The following DRC1 variants were observed in gnomAD, a reference collection of about 807,000 sequenced individuals.
The protein encoded by DRC1 is dynein regulatory complex protein 1.
DRC1 carries 74 observed loss-of-function variants against 98.7 expected under a neutral mutation model. The observed-to-expected ratio is 0.75, with a 90% CI of 0.62 to 0.91. The LOEUF is 0.91. DRC1 is among the 40% of genes least tolerant of loss of function. The pLI, the probability that DRC1 is intolerant of heterozygous loss-of-function variation, is 0.00. For synonymous variants in DRC1, 336 were observed against 334.1 expected (o/e 1.01, Z -0.06); for missense variants, 875 against 886.0 (o/e 0.99, Z 0.16).
At chr2:26,410,025 AAG>A (rs1678549976) in intron 1 of DRC1, among the ~76,000 whole-genome samples, 1 of 151,912 alleles carries the variant, frequency 6.6e-6, no homozygotes, top group Non-Finnish European at 1.5e-5. Context: ...TTGGGGGAAA[AAG>A]AGGGAAAAAA....
Position 26,440,372 on chromosome 2 carries a change from C to G in DRC1, c.889-6C>G, listed in dbSNP as rs1663687222. The G allele has an allele frequency of 6.3e-7, 1 of 1,580,116 alleles. No individual in the cohort carries two copies. Among genetic ancestry groups the G allele is most frequent in the Non-Finnish European group, 8.6e-7 (1 of 1,161,870 alleles). On this transcript the variant is annotated splice_region_variant and splice_polypyrimidine_tract_variant and intron_variant, in intron 7 of 16. Coordinates refer to ENST00000288710, the MANE Select transcript of DRC1 (RefSeq NM_145038.5). Reference sequence around the variant, plus strand: ...ATATATATATATATAGTTTTTTTAACTTTAGATTCTTGAGCAGCAGCTTCA... The same window carrying G: ...ATATATATATATATAGTTTTTTTAAGTTTAGATTCTTGAGCAGCAGCTTCA...
At chr2:26,451,714 GAA>G (rs1044944360) in intron 13 of DRC1, among the ~76,000 whole-genome samples, 1 of 151,662 alleles carries the variant, frequency 6.6e-6, no homozygotes, top group Non-Finnish European at 1.5e-5. Context: ...AAAGAGAAAA[GAA>G]AAAAAGAGCT....
Position 26,440,494 on chromosome 2 carries a change from C to T in DRC1, c.1005C>T (p.Ser335=). The T allele has an allele frequency of 6.2e-7, 1 of 1,610,876 alleles. No individual in the cohort carries two copies. The part of the protein sequence containing the change: ...KRDEESTVIK[S]QQKRKINRLH... ...ATGAAGAAAGCACAGTAATTAAATC[C>T]CAGCAGAAGAGGAAGATCAATCGGT... Residue 335 remains serine (S), a synonymous_variant, in exon 8 of 17, where the codon TCC becomes TCT. Coordinates refer to ENST00000288710, the MANE Select transcript of DRC1 (RefSeq NM_145038.5).
In DRC1 at chr2:26,414,345, G is replaced by A. The variant is rs758712081; in HGVS notation, c.157G>A (p.Glu53Lys). Residue 53 changes from glutamate to lysine, a missense_variant and splice_region_variant, in exon 2 of 17, where the codon GAA (glutamate) becomes AAA (lysine). Transcript: ENST00000288710. ...IAARLEARRREALGEYLDGKK... is the reference protein window; with the variant it reads ...IAARLEARRRKALGEYLDGKK... Reference sequence around the variant, plus strand: ...TTTCTCTGCTTTTTTCCATCACAGGGAAGCACTTGGAGAATATTTAGATGG... The same window carrying A: ...TTTCTCTGCTTTTTTCCATCACAGGAAAGCACTTGGAGAATATTTAGATGG... 2 of 1,613,446 alleles carry A rather than the reference G, an allele frequency of 1.2e-6. No individual in the cohort carries two copies. Among genetic ancestry groups the A allele is most frequent in the South Asian group, 2.2e-5 (2 of 90,956 alleles).
chr2:26,450,568 C>A, intron 12 of DRC1, 24 bp from the exon 13 acceptor site: 1 of 1,605,544 alleles, frequency 6.2e-7, no homozygotes. Context: ...GGTGTTTGAG[C>A]AACCATCCTG....
chr2:26,405,072 C>G (rs34952935), intron 1 of DRC1, among the ~76,000 whole-genome samples: 1 of 152,074 alleles, frequency 6.6e-6, no homozygotes, highest in Non-Finnish European at 1.5e-5. Context: ...TTGTGGGGAC[C>G]CTGCTGCCTC....
chr2:26,430,238 A>G (rs1663397261), intron 5 of DRC1, among the ~76,000 whole-genome samples: 1 of 152,176 alleles, frequency 6.6e-6, no homozygotes, highest in Non-Finnish European at 1.5e-5. Context: ...GCTGCATAGG[A>G]TTCAGGAATC....
At position 26,402,083 on chromosome 2, in the gene DRC1, T is replaced by G. The variant is rs751788344; in HGVS notation, c.94T>G (p.Ser32Ala). Residue 32 changes from serine to alanine, a missense_variant, in exon 1 of 17, where the codon TCT (serine) becomes GCT (alanine). Ser to Ala is a moderately conservative substitution (Grantham distance 99, BLOSUM62 1). Transcript: ENST00000288710. Reference sequence around the variant, plus strand: ...CGCGCCCTCGGTCCACTCCGACAACTCTCAGGAGCGCATCCAGGCCCGGCG... The same window carrying G: ...CGCGCCCTCGGTCCACTCCGACAACGCTCAGGAGCGCATCCAGGCCCGGCG... ...ILAPSVHSDN[S>A]QERIQARRLR... is the part of the protein sequence containing the mutation. The G allele has an allele frequency of 6.2e-7, 1 of 1,612,932 alleles. No individual in the cohort carries two copies. Among genetic ancestry groups the G allele is most frequent in the Non-Finnish European group, 8.5e-7 (1 of 1,179,646 alleles).
In DRC1 at chr2:26,430,842, G is replaced by C; in HGVS notation, c.735G>C (p.Glu245Asp). Reference sequence around the variant, plus strand: ...TGGCCAGTAATAAGAAGAAATGGGAGCAAGCCCTTCAGGCTCATAATGCCA... The same window carrying C: ...TGGCCAGTAATAAGAAGAAATGGGACCAAGCCCTTCAGGCTCATAATGCCA... ...ELLASNKKKW[E>D]QALQAHNAKE... Residue 245 changes from glutamate to aspartate, a missense_variant, in exon 6 of 17, where the codon GAG becomes GAC. By Grantham distance (45) the Glu-to-Asp change is conservative. Coordinates refer to ENST00000288710, the MANE Select transcript of DRC1 (RefSeq NM_145038.5). The C allele has an allele frequency of 6.2e-7, 1 of 1,613,954 alleles. No individual in the cohort carries two copies. The highest frequency in any genetic ancestry group is 8.5e-7 in the Non-Finnish European group (1 of 1,179,910).
intron 5 of DRC1, 101 bp from the exon 6 acceptor site, chr2:26,430,685 G>A: frequency 8.2e-7 from 1 of 1,213,526 alleles, no homozygotes. Context: ...TTTCTATGTG[G>A]TTGGTGATAT....
intron 3 of DRC1, among the ~76,000 whole-genome samples, chr2:26,422,960 G>A (rs916888298): frequency 6.7e-6 from 1 of 149,280 alleles, no homozygotes; most frequent in East Asian, 2.0e-4. Context: ...TGACCATTTT[G>A]TCTCATCATA....
chr2:26,430,269 A>G (rs1663397752), intron 5 of DRC1, among the ~76,000 whole-genome samples: 1 of 152,108 alleles, frequency 6.6e-6, no homozygotes, highest in Non-Finnish European at 1.5e-5. Context: ...ATTTGAATGA[A>G]ATGTTCAAGA....
At chr2:26,433,322 G>A (rs1043520912) in intron 7 of DRC1, among the ~76,000 whole-genome samples, 1 of 152,166 alleles carries the variant, frequency 6.6e-6, no homozygotes, top group African/African-American at 2.4e-5. Context: ...CGAAGCTTTT[G>A]TTAGAGTTTC....
intron 13 of DRC1, among the ~76,000 whole-genome samples, chr2:26,451,539 C>G (rs1378353731): frequency 1.3e-5 from 2 of 152,130 alleles, no homozygotes; most frequent in East Asian, 1.9e-4. Context: ...GGGCTAGGCA[C>G]AGTGGCTCAT....
intron 4 of DRC1, among the ~76,000 whole-genome samples, chr2:26,428,185 T>A (rs1663334298): frequency 6.6e-6 from 1 of 152,262 alleles, no homozygotes; most frequent in Non-Finnish European, 1.5e-5. Context: ...TTTCAAGGGA[T>A]AAACTTTTAA....
chr2:26,406,499 A>G (rs1407859973), intron 1 of DRC1, among the ~76,000 whole-genome samples: 2 of 152,106 alleles, frequency 1.3e-5, no homozygotes, highest in Non-Finnish European at 2.9e-5. Context: ...ACTTGAGGCC[A>G]GGAGTTCGAG....
intron 16 of DRC1, among the ~76,000 whole-genome samples, chr2:26,455,628 C>T (rs11126491): frequency 6.6e-6 from 1 of 152,054 alleles, no homozygotes; most frequent in African/African-American, 2.4e-5. Flanking sequence ...TCATTTCACA[C>T]AAAGGACAAT....
intron 2 of DRC1, 73 bp downstream of exon 2, chr2:26,414,504 A>T: frequency 1.4e-6 from 2 of 1,387,430 alleles, no homozygotes; most frequent in Non-Finnish European, 2.0e-6. Flanking sequence ...TCACATTTAG[A>T]CTGGAAGAAA....
chr2:26,421,963 T>C (rs1484046376), intron 3 of DRC1, among the ~76,000 whole-genome samples: 1 of 152,192 alleles, frequency 6.6e-6, no homozygotes, highest in African/African-American at 2.4e-5. Flanking sequence ...GTTTGTGGTA[T>C]TCACAGTCTA....
Sources: gnomAD v4.1 joint callset for allele counts (sites outside exome capture counted in the v4.1 genomes callset) on GRCh38, gnomAD v4.1.1 for gene constraint, MANE v1.5 for transcripts, NCBI Gene and HGNC (gene_info 2026-07-23, HGNC 2026-07-21) for gene names.